Variants in BNIP2 observed in about 807,000 individuals in gnomAD.
The protein encoded by BNIP2 is BCL2 interacting protein 2.
BNIP2 carries 36 observed loss-of-function variants against 43.4 expected under a neutral mutation model. That is an observed-to-expected ratio of 0.83 (90% confidence interval 0.64 to 1.10). BNIP2 has a LOEUF of 1.10. Ranked by LOEUF, BNIP2 falls within the 50% of genes least tolerant of loss-of-function variation. BNIP2 has a pLI of 0.00. For synonymous variants in BNIP2, 146 were observed against 121.0 expected (o/e 1.21, Z -1.35); for missense variants, 417 against 374.1 (o/e 1.11, Z -0.95).
chr15:59,680,302 T>C lies in BNIP2; in HGVS notation c.57A>G (p.Leu19=). The change falls in exon 3 of 10, where the codon TTA becomes TTG. Residue 19 remains leucine (L), a synonymous_variant. Coordinates refer to ENST00000607373, the MANE Select transcript of BNIP2 (RefSeq NM_004330.4). ...CTGCTTCAATACTATCATCTTCTGG[T>C]AAAGGTCTAGAAGACACAGGCATAC... The part of the protein sequence containing the change: ...EWQDEDFPIP[L]PEDDSIEADI... 6.2e-7 allele frequency: 1 copy of C among 1,600,578 alleles called. No homozygotes were observed.
chr15:59,688,648 G>A, intron 1 of BNIP2: 1 of 1,456,978 alleles, frequency 6.9e-7, no homozygotes, highest in Non-Finnish European at 9.3e-7. Flanking sequence ...CTCTGTATTT[G>A]GTTTAGCGTA....
intron 9 of BNIP2, among the ~76,000 whole-genome samples, chr15:59,668,520 T>G (rs62015289): frequency 1.3e-5 from 2 of 152,100 alleles, no homozygotes; most frequent in Non-Finnish European, 2.9e-5. Flanking sequence ...GATTATTCAA[T>G]AATAATATTG....
chr15:59,687,407 A>G (rs188347675), intron 1 of BNIP2, among the ~76,000 whole-genome samples: 98 of 145,618 alleles, frequency 6.7e-4, no homozygotes, highest in African/African-American at 2.3e-3. Context: ...GCTGGAGTGC[A>G]GTGCTGCAAT....
intron 4 of BNIP2, among the ~76,000 whole-genome samples, chr15:59,679,104 TAAAG>T (rs1398792104): frequency 6.6e-6 from 1 of 152,136 alleles, no homozygotes; most frequent in Admixed American, 6.5e-5. Flanking sequence ...ATTTTGTAAT[TAAAG>T]AAAGCATGCA....
chr15:59,684,214 G>C (rs1893875025), intron 1 of BNIP2, among the ~76,000 whole-genome samples: 1 of 152,058 alleles, frequency 6.6e-6, no homozygotes, highest in African/African-American at 2.4e-5. Context: ...TTCCCAAAAG[G>C]TTTCAATGTT....
At chr15:59,678,229 G>A in intron 4 of BNIP2, 142 bp from the exon 5 acceptor site, 1 of 1,388,440 alleles carries the variant, frequency 7.2e-7, no homozygotes, top group South Asian at 1.7e-5. Flanking sequence ...CCATAAAGGA[G>A]GAAAAGGCTT....
At chr15:59,678,697 T>G in intron 4 of BNIP2, 5 of 1,214,924 alleles carry the variant, frequency 4.1e-6, no homozygotes, top group Non-Finnish European at 4.2e-6. Context: ...GCAGTTTAGC[T>G]GATTTTCAAT....
chr15:59,683,747 A>G (rs898992145), intron 1 of BNIP2, among the ~76,000 whole-genome samples: 1 of 152,164 alleles, frequency 6.6e-6, no homozygotes, highest in African/African-American at 2.4e-5. Flanking sequence ...TGAACCTGGG[A>G]GGTGGAGGTT....
intron 7 of BNIP2, among the ~76,000 whole-genome samples, chr15:59,670,043 C>T (rs1197351604): frequency 3.3e-5 from 5 of 152,186 alleles, no homozygotes; most frequent in African/African-American, 1.2e-4. Flanking sequence ...CGGAAGATCA[C>T]ATTCCTTCCA....
intron 2 of BNIP2, among the ~76,000 whole-genome samples, chr15:59,681,139 G>A (rs540483789): frequency 6.6e-6 from 1 of 152,222 alleles, no homozygotes; most frequent in East Asian, 1.9e-4. Flanking sequence ...TCTGAGATCA[G>A]CATTCCTATA....
chr15:59,662,613 C>T lies in BNIP2; in HGVS notation c.*1456G>A, dbSNP rs138151817. ...AGGTTTGTAAGTACATGAGAATGGT[C>T]ACAGCCACATGTGTGTTCAATCTAG... On this transcript the variant is annotated 3_prime_UTR_variant, in exon 10 of 10. Coordinates refer to ENST00000607373, the MANE Select transcript of BNIP2 (RefSeq NM_004330.4). 1.2e-4 allele frequency: 18 copies of T among 152,318 alleles called. No homozygotes were observed. The highest frequency in any genetic ancestry group is 3.4e-4 in the African/African-American group (14 of 41,556). 9.4% of individuals were successfully genotyped at this position (152,318 alleles called of 1,614,324 possible).
At chr15:59,672,785 T>C in intron 5 of BNIP2, 46 bp from the exon 6 acceptor site, 2 of 1,406,830 alleles carry the variant, frequency 1.4e-6, no homozygotes, top group Non-Finnish European at 2.0e-6. Flanking sequence ...ATTTTACTCT[T>C]AGGCATTTTT....
intron 5 of BNIP2, chr15:59,677,016 A>C: frequency 6.2e-7 from 1 of 1,612,776 alleles, no homozygotes; most frequent in African/African-American, 1.3e-5. Context: ...AAGATTGATC[A>C]GGAGACTGTT....
chr15:59,689,243 G>A lies in BNIP2; in HGVS notation c.-166C>T. The A allele has an allele frequency of 4.5e-6, 7 of 1,542,860 alleles. No individual in the cohort carries two copies. Among genetic ancestry groups the A allele is most frequent in the Non-Finnish European group, 6.1e-6 (7 of 1,146,194 alleles). On this transcript the variant is annotated 5_prime_UTR_variant, in exon 1 of 10. Coordinates refer to ENST00000607373, the MANE Select transcript of BNIP2 (RefSeq NM_004330.4). ...GGCCGAGCGGAGCCCGCTCCCCTCG[G>A]TCGGCGGTGGAGACCCCGGCCCAAT...
intron 6 of BNIP2, 31 bp from the exon 7 acceptor site, chr15:59,671,345 A>C: frequency 6.4e-7 from 1 of 1,555,460 alleles, no homozygotes. Context: ...TTAAGCCTTA[A>C]AAATCACTGT....
intron 9 of BNIP2, chr15:59,667,977 T>G: frequency 1.9e-6 from 1 of 523,738 alleles, no homozygotes; most frequent in Non-Finnish European, 3.0e-6. Context: ...TATTTGGAAG[T>G]TGGGGTACAT....
intron 2 of BNIP2, among the ~76,000 whole-genome samples, chr15:59,681,698 C>T (rs1391938448): frequency 1.3e-5 from 2 of 151,994 alleles, no homozygotes; most frequent in African/African-American, 2.4e-5. Flanking sequence ...CTGCCTATCT[C>T]GGCCTCCCAA....
At position 59,668,975 on chromosome 15, in the gene BNIP2, T is replaced by C. The variant is rs553460478; in HGVS notation, c.810A>G (p.Gln270=). The C allele has an allele frequency of 2.5e-6, 4 of 1,613,522 alleles. No homozygotes were observed. The highest frequency in any genetic ancestry group is 3.3e-5 in the Admixed American group (2 of 59,992). Residue 270 remains glutamine (Q), a synonymous_variant, in exon 9 of 10, where the codon CAA becomes CAG. Coordinates refer to ENST00000607373, the MANE Select transcript of BNIP2 (RefSeq NM_004330.4). ...TRPFISSKFS[Q]KIRYVFNLAE... is the part of the protein sequence containing the mutation. Reference sequence around the variant, plus strand: ...CCAAATTAAACACGTATCTAATTTTTTGGCTGAATTTCGAGCTATGGAAGA... The same window carrying C: ...CCAAATTAAACACGTATCTAATTTTCTGGCTGAATTTCGAGCTATGGAAGA...
chr15:59,676,815 GCTA>G, intron 5 of BNIP2: 1 of 1,537,418 alleles, frequency 6.5e-7, no homozygotes, highest in Non-Finnish European at 8.8e-7. Context: ...CTGCAGCGCC[GCTA>G]CTACTTCCCT....
Sources: allele counts gnomAD v4.1 joint callset (sites outside exome capture counted in the v4.1 genomes callset), GRCh38; gene constraint gnomAD v4.1.1; transcripts MANE v1.5; gene names NCBI Gene and HGNC (gene_info 2026-07-23, HGNC 2026-07-21).